RBFOX1: variants seen among roughly 807,000 people sequenced by gnomAD.
RBFOX1 encodes the protein RNA binding fox-1 homolog 1.
A neutral mutation model predicts 57.7 loss-of-function variants in RBFOX1; 8 were observed. The observed-to-expected ratio is 0.14, with a 90% CI of 0.08 to 0.25. The LOEUF is 0.25. RBFOX1 is among the 10% of genes least tolerant of loss of function. The pLI is 1.00. For synonymous variants in RBFOX1, 326 were observed against 222.4 expected (o/e 1.47, Z -4.15); for missense variants, 611 against 548.5 (o/e 1.11, Z -1.14).
At chr16:5,302,480 A>G (rs1346671748) in intron 1 of RBFOX1, among the ~76,000 whole-genome samples, 1 of 152,204 alleles carries the variant, frequency 6.6e-6, no homozygotes, top group Non-Finnish European at 1.5e-5. Flanking sequence ...TTCAAATTTA[A>G]TATATGCCTA....
intron 1 of RBFOX1, among the ~76,000 whole-genome samples, chr16:6,301,086 A>C (rs1458331498): frequency 6.6e-6 from 1 of 152,188 alleles, no homozygotes; most frequent in Non-Finnish European, 1.5e-5. Flanking sequence ...TTGAAAAAAA[A>C]ATCCTTGAGG....
intron 2 of RBFOX1, among the ~76,000 whole-genome samples, chr16:5,483,750 A>G (rs966292389): frequency 2.6e-5 from 4 of 152,210 alleles, no homozygotes; most frequent in Admixed American, 2.6e-4. Flanking sequence ...CTGTGTAACA[A>G]ATTACCCCCA....
At chr16:7,509,967 T>G (rs1304290279) in intron 4 of RBFOX1, among the ~76,000 whole-genome samples, 4 of 14,218 alleles carry the variant, frequency 2.8e-4, no homozygotes, top group Non-Finnish European at 5.7e-4. Flanking sequence ...GAGCAGTGGG[T>G]TTTTTTTTTT....
intron 4 of RBFOX1, among the ~76,000 whole-genome samples, chr16:5,913,082 A>G (rs2058637324): frequency 6.6e-6 from 1 of 152,212 alleles, no homozygotes; most frequent in African/African-American, 2.4e-5. Flanking sequence ...GACATTTCCA[A>G]GCTGCATGTA....
rs544427379 is a variant in RBFOX1 at position 6,638,108 on chromosome 16, G to A, written c.-63-16495G>A. ...TATCTGTGTCATATGAATGTTGTAG[G>A]CCTGCCATTGTAAAAGAGAAAGTAA... On this transcript the variant is annotated intron_variant, in intron 2 of 15. Transcript: ENST00000550418. Among the ~76,000 whole-genome samples, 4 of 152,134 alleles carry A rather than the reference G, an allele frequency of 2.6e-5. No homozygotes were observed. The South Asian group carries it at 8.3e-4, about 32-fold the overall frequency.
At chr16:6,747,588 C>G (rs950077975) in intron 3 of RBFOX1, among the ~76,000 whole-genome samples, 1 of 152,110 alleles carries the variant, frequency 6.6e-6, no homozygotes. Context: ...TTTTTAGTAT[C>G]TTCTATGGGT....
intron 1 of RBFOX1, among the ~76,000 whole-genome samples, chr16:5,280,388 G>A (rs1437726635): frequency 6.6e-6 from 1 of 152,178 alleles, no homozygotes; most frequent in Non-Finnish European, 1.5e-5. Flanking sequence ...ATATTGGCCT[G>A]TAGTTTTCTC....
chr16:7,333,204 G>A (rs934154039), intron 4 of RBFOX1: 11 of 912,042 alleles, frequency 1.2e-5, no homozygotes, highest in Non-Finnish European at 1.9e-5. Context: ...CCCTCGCGTA[G>A]TCAGTGAGAA....
chr16:6,287,643 C>G (rs538342124), intron 1 of RBFOX1, among the ~76,000 whole-genome samples: 2 of 152,222 alleles, frequency 1.3e-5, no homozygotes, highest in East Asian at 3.9e-4. Context: ...AAGTGAAAAT[C>G]TTGCAGATCG....
intron 2 of RBFOX1, among the ~76,000 whole-genome samples, chr16:6,625,268 C>G (rs1010886385): frequency 4.0e-5 from 6 of 148,674 alleles, no homozygotes; most frequent in Non-Finnish European, 8.9e-5. Flanking sequence ...GAGTTAAGTG[C>G]TAAAGTGAGA....
chr16:6,985,968 C>G (rs935871466), intron 3 of RBFOX1, among the ~76,000 whole-genome samples: 2 of 150,702 alleles, frequency 1.3e-5, no homozygotes, highest in Non-Finnish European at 1.5e-5. Flanking sequence ...AAGGCACTTT[C>G]CAAACTTACC....
At chr16:7,202,806 C>G (rs920930800) in intron 4 of RBFOX1, among the ~76,000 whole-genome samples, 4 of 152,184 alleles carry the variant, frequency 2.6e-5, no homozygotes, top group African/African-American at 7.2e-5. Flanking sequence ...GCAACAGCCC[C>G]CCACCCTGGC....
At chr16:6,501,836 T>G (rs890057440) in intron 2 of RBFOX1, among the ~76,000 whole-genome samples, 1 of 152,158 alleles carries the variant, frequency 6.6e-6, no homozygotes, top group African/African-American at 2.4e-5. Flanking sequence ...AAATTCTTCT[T>G]GGTTTTCACA....
At chr16:6,857,303 C>G (rs780779542) in intron 3 of RBFOX1, among the ~76,000 whole-genome samples, 3 of 152,146 alleles carry the variant, frequency 2.0e-5, no homozygotes, top group African/African-American at 7.2e-5. Flanking sequence ...AAGAAGAAGT[C>G]AACACCTTTA....
intron 1 of RBFOX1, among the ~76,000 whole-genome samples, chr16:5,315,380 T>C (rs2064208456): frequency 6.6e-6 from 1 of 152,184 alleles, no homozygotes; most frequent in Non-Finnish European, 1.5e-5. Flanking sequence ...GGGATGTGCT[T>C]AGAATTCATA....
chr16:5,918,659 T>C (rs1219972976), intron 4 of RBFOX1, among the ~76,000 whole-genome samples: 4 of 152,172 alleles, frequency 2.6e-5, no homozygotes, highest in Admixed American at 2.6e-4. Context: ...ATTCCTTATC[T>C]CCAGGAAAAT....
chr16:5,957,442 C>G (rs967039995), intron 4 of RBFOX1, among the ~76,000 whole-genome samples: 2 of 152,118 alleles, frequency 1.3e-5, no homozygotes, highest in Admixed American at 1.3e-4. Context: ...CTCACCTGGT[C>G]TTGAACCCCT....
chr16:6,203,980 CTTT>C (rs60829829), intron 1 of RBFOX1, among the ~76,000 whole-genome samples: 4 of 137,692 alleles, frequency 2.9e-5, no homozygotes, highest in African/African-American at 2.7e-5. Context: ...TGTTTTGTTT[CTTT>C]TTTTTTTTTT....
At chr16:5,976,561 C>T (rs930441023) in intron 4 of RBFOX1, among the ~76,000 whole-genome samples, 2 of 152,216 alleles carry the variant, frequency 1.3e-5, no homozygotes, top group African/African-American at 4.8e-5. Context: ...GGTCTCTATC[C>T]TGCCATCCTT....
Sources: allele counts gnomAD v4.1 joint callset (sites outside exome capture counted in the v4.1 genomes callset), GRCh38; gene constraint gnomAD v4.1.1; transcripts MANE v1.5; gene names NCBI Gene and HGNC (gene_info 2026-07-23, HGNC 2026-07-21).